Variants in KBTBD11 observed in about 807,000 individuals in gnomAD.
The protein encoded by KBTBD11 is kelch repeat and BTB domain containing 11.
For missense variants in KBTBD11, 1,390 were observed against 1,001.8 expected (o/e 1.39, Z -5.23); for synonymous variants, 747 against 499.0 (o/e 1.50, Z -6.63).
In KBTBD11 at chr8:2,002,176, C is replaced by T. The variant is rs895163434; in HGVS notation, c.984C>T (p.Tyr328=). ...ACGCGCGCGGGGACGCGGCCGTCTA[C>T]TGCTTCCACGCGGCGGCCGGAGAGT... ...DADARGDAAV[Y]CFHAAAGEWR... Residue 328 remains tyrosine, a synonymous_variant, in exon 2 of 2, where the codon TAC becomes TAT. Coordinates refer to ENST00000320248, the MANE Select transcript of KBTBD11 (RefSeq NM_014867.3). This position sits in a 1 kb window ranked among gnomAD's most constrained non-coding sequence, Gnocchi z 4.1. 9.7e-6 allele frequency: 12 copies of T among 1,240,152 alleles called. No individual in the cohort carries two copies. Among genetic ancestry groups the T allele is most frequent in the Admixed American group, 4.3e-5 (1 of 23,488 alleles). The allele number at this position is 1,240,152 out of a possible 1,614,324, so 76.8% of individuals were successfully genotyped here.
At position 2,003,007 on chromosome 8, in the gene KBTBD11, C is replaced by G; in HGVS notation, c.1815C>G (p.Ile605Met). 7.7e-7 allele frequency: 1 copy of G among 1,294,106 alleles called. No individual in the cohort carries two copies. The highest frequency in any genetic ancestry group is 9.8e-7 in the Non-Finnish European group (1 of 1,021,116). 80.2% of individuals were successfully genotyped at this position (1,294,106 alleles called of 1,614,324 possible). Reference sequence around the variant, plus strand: ...CCTTGGACGTCCGGGGTGTGCTCATCCCGTTCGCTCTCAGCCTGCCTGAGA... The same window carrying G: ...CCTTGGACGTCCGGGGTGTGCTCATGCCGTTCGCTCTCAGCCTGCCTGAGA... ...GAPLDVRGVL[I>M]PFALSLPEKP... Residue 605 changes from isoleucine (I) to methionine (M), a missense_variant, in exon 2 of 2, where the codon ATC becomes ATG. Coordinates refer to ENST00000320248, the MANE Select transcript of KBTBD11 (RefSeq NM_014867.3).
intron 1 of KBTBD11, among the ~76,000 whole-genome samples, chr8:1,979,484 G>A (rs949643762): frequency 6.6e-6 from 1 of 152,138 alleles, no homozygotes; most frequent in Admixed American, 6.5e-5. Context: ...ACAAAAATTA[G>A]CCAGGTGTGG....
chr8:1,975,048 C>G (rs546193292), intron 1 of KBTBD11: 1 of 152,374 alleles, frequency 6.6e-6, no homozygotes, highest in South Asian at 2.1e-4. Context: ...AACCCTTCAG[C>G]CTTTTATCCT....
At chr8:1,999,216 C>G (rs1328526067) in intron 1 of KBTBD11, among the ~76,000 whole-genome samples, 1 of 152,154 alleles carries the variant, frequency 6.6e-6, no homozygotes, top group Admixed American at 6.5e-5. Flanking sequence ...ACTTTTATTT[C>G]TGAGAATACT....
chr8:1,984,383 G>A (rs1816643259), intron 1 of KBTBD11, among the ~76,000 whole-genome samples: 2 of 147,514 alleles, frequency 1.4e-5, no homozygotes, highest in South Asian at 2.2e-4. Context: ...CTGCCTCCCG[G>A]GTTCACGCCG....
chr8:1,974,218 G>C (rs1393974598), intron 1 of KBTBD11: 1 of 895,440 alleles, frequency 1.1e-6, no homozygotes, highest in Non-Finnish European at 1.3e-6. Context: ...CTCCGCCTCC[G>C]GGAGGCCGCG....
At chr8:1,976,920 G>A (rs1816366263) in intron 1 of KBTBD11, among the ~76,000 whole-genome samples, 1 of 152,150 alleles carries the variant, frequency 6.6e-6, no homozygotes, top group Non-Finnish European at 1.5e-5. Flanking sequence ...GCAGGGTGTA[G>A]TAAAAGTGTA....
rs761435874 is a variant in KBTBD11 at position 2,002,398 on chromosome 8, C to G, written c.1206C>G (p.Arg402=). ...CCGTGAGGCCCCTGCGCCAGGCGCG[C>G]TCGCAGCTGCGGCTGCTGGCCCTGG... ...WSAVRPLRQA[R]SQLRLLALDG... Residue 402 remains arginine, a synonymous_variant, in exon 2 of 2, where the codon CGC becomes CGG. Coordinates refer to ENST00000320248, the MANE Select transcript of KBTBD11 (RefSeq NM_014867.3). This position sits in a 1 kb window ranked among gnomAD's most constrained non-coding sequence, Gnocchi z 4.1. 4 of 1,480,978 alleles carry G rather than the reference C, an allele frequency of 2.7e-6. No homozygotes were observed. The South Asian group carries it at 5.0e-5, about 19-fold the overall frequency. 91.7% of individuals were successfully genotyped at this position (1,480,978 alleles called of 1,614,324 possible).
intron 1 of KBTBD11, chr8:1,975,319 G>C (rs1243668411): frequency 6.6e-6 from 1 of 152,274 alleles, no homozygotes. Context: ...AAAAGATGTT[G>C]CTTACATTAT....
At chr8:1,999,183 C>T (rs866790128) in intron 1 of KBTBD11, among the ~76,000 whole-genome samples, 3 of 152,104 alleles carry the variant, frequency 2.0e-5, no homozygotes, top group Non-Finnish European at 2.9e-5. Flanking sequence ...GAGAGTCAAA[C>T]GTGGAGTTTC....
Position 2,001,159 on chromosome 8 carries a change from G to A in KBTBD11, c.-34G>A. 2.2e-5 allele frequency: 29 copies of A among 1,296,260 alleles called. No homozygotes were observed. Among genetic ancestry groups the A allele is most frequent in the Non-Finnish European group, 2.8e-5 (29 of 1,022,976 alleles). The allele number at this position is 1,296,260 out of a possible 1,614,324, so 80.3% of individuals were successfully genotyped here. A position where few individuals can be genotyped will look rare whatever the true frequency, so the allele number is the denominator to read the frequency against. ...GCCAGACCTGCAGGCTGCGGAACCG[G>A]GGGCGCGCGGGCGCAGCGCAGCACA... On this transcript the variant is annotated 5_prime_UTR_variant, in exon 2 of 2. Coordinates refer to ENST00000320248, the MANE Select transcript of KBTBD11 (RefSeq NM_014867.3).
chr8:1,988,674 T>C (rs1816778809), intron 1 of KBTBD11, among the ~76,000 whole-genome samples: 1 of 152,250 alleles, frequency 6.6e-6, no homozygotes, highest in Non-Finnish European at 1.5e-5. Flanking sequence ...TCCTGGTTCC[T>C]GAATCCATTC....
intron 1 of KBTBD11, among the ~76,000 whole-genome samples, chr8:1,986,790 T>C (rs990008201): frequency 2.0e-5 from 3 of 152,276 alleles, no homozygotes; most frequent in Middle Eastern, 3.4e-3. Flanking sequence ...CATAATGCAA[T>C]ATAAAGAAAC....
In KBTBD11 at chr8:2,001,832, C is replaced by G; in HGVS notation, c.640C>G (p.Leu214Val). ...CGAGGTGGTGGCCGGCGCGCGCCGC[C>G]TGCAGCTGCCCGGCGCCGCGCAGCG... ...VAEVVAGARRLQLPGAAQRAT... is the reference protein window; with the variant it reads ...VAEVVAGARRVQLPGAAQRAT... Residue 214 changes from leucine (L) to valine (V), a missense_variant, in exon 2 of 2, where the codon CTG becomes GTG. Coordinates refer to ENST00000320248, the MANE Select transcript of KBTBD11 (RefSeq NM_014867.3). The G allele has an allele frequency of 8.2e-7, 1 of 1,217,670 alleles. No homozygotes were observed. The highest frequency in any genetic ancestry group is 1.0e-6 in the Non-Finnish European group (1 of 982,108). The allele number at this position is 1,217,670 out of a possible 1,614,324, so 75.4% of individuals were successfully genotyped here.
intron 1 of KBTBD11, among the ~76,000 whole-genome samples, chr8:1,993,958 C>CACACACACACAA (rs1554527404): frequency 3.4e-5 from 5 of 148,244 alleles, no homozygotes; most frequent in East Asian, 2.0e-4. Context: ...CACACACACA[C>CACACACACACAA]AAAACCCCAT....
At position 2,003,066 on chromosome 8, in the gene KBTBD11, C is replaced by T; in HGVS notation, c.*2C>T. 7.9e-7 allele frequency: 1 copy of T among 1,261,622 alleles called. No individual in the cohort carries two copies. The highest frequency in any genetic ancestry group is 3.1e-4 in the Middle Eastern group (1 of 3,256). 78.2% of individuals were successfully genotyped at this position (1,261,622 alleles called of 1,614,324 possible). A position where few individuals can be genotyped will look rare whatever the true frequency, so the allele number is the denominator to read the frequency against. On this transcript the variant is annotated 3_prime_UTR_variant, in exon 2 of 2. Transcript: ENST00000320248. Reference sequence around the variant, plus strand: ...CGAGGGGAGCAGGGCGCCCCGTAGGCCGGCGGGGTCGGCGGGCGTCTCCCT... The same window carrying T: ...CGAGGGGAGCAGGGCGCCCCGTAGGTCGGCGGGGTCGGCGGGCGTCTCCCT...
Position 1,989,100 on chromosome 8 carries a change from C to T in KBTBD11, c.-908-11185C>T, listed in dbSNP as rs148665782. Among the ~76,000 whole-genome samples, 617 of 152,226 alleles carry T rather than the reference C, an allele frequency of 4.1e-3. 4 individuals carry two copies. The highest frequency in any genetic ancestry group is 6.9e-3 in the Non-Finnish European group (470 of 68,000). On this transcript the variant is annotated intron_variant, in intron 1 of 1. Coordinates refer to ENST00000320248, the MANE Select transcript of KBTBD11 (RefSeq NM_014867.3). The stretch of plus-strand genomic sequence containing the variant: ...GGACATTTCAGGAGAGTCTTTCAGC[C>T]GGTGCCTCTCTCCAGAGCCTTGGTG...
intron 1 of KBTBD11, among the ~76,000 whole-genome samples, chr8:1,999,398 A>T (rs572873387): frequency 6.6e-6 from 1 of 152,234 alleles, no homozygotes; most frequent in Non-Finnish European, 1.5e-5. Context: ...AAGCCTGGTC[A>T]TGTTTTGGAT....
chr8:1,993,432 C>CCCAT (rs1563371954), intron 1 of KBTBD11, among the ~76,000 whole-genome samples: 1 of 127,118 alleles, frequency 7.9e-6, no homozygotes, highest in African/African-American at 3.4e-5. Context: ...CACCCACCCA[C>CCCAT]CCATCCATCC....
Sources: allele counts gnomAD v4.1 joint callset (sites outside exome capture counted in the v4.1 genomes callset), GRCh38; gene constraint gnomAD v4.1.1; non-coding constraint Gnocchi (gnomAD v3.1); transcripts MANE v1.5; gene names NCBI Gene and HGNC (gene_info 2026-07-23, HGNC 2026-07-21).